Variants in ST6GALNAC3 observed in about 807,000 individuals in gnomAD.
The protein encoded by ST6GALNAC3 is ST6 N-acetylgalactosaminide alpha-2,6-sialyltransferase 3, also known as alpha-N-acetylgalactosaminide alpha-2,6-sialyltransferase 3.
In ST6GALNAC3, 25 loss-of-function variants were observed where a neutral mutation model predicts 32.7. The ratio of observed to expected loss-of-function variants is 0.76; its 90% CI spans 0.56 to 1.07. The LOEUF is 1.07. Ranked by LOEUF, ST6GALNAC3 falls within the 50% of genes least tolerant of loss-of-function variation. ST6GALNAC3 has a pLI of 0.00. For missense variants in ST6GALNAC3, 355 were observed against 382.4 expected (o/e 0.93, Z 0.60); for synonymous variants, 129 against 133.1 (o/e 0.97, Z 0.21).
chr1:76,557,518 C>G (rs1022030373), intron 3 of ST6GALNAC3, among the ~76,000 whole-genome samples: 1 of 152,082 alleles, frequency 6.6e-6, no homozygotes, highest in Non-Finnish European at 1.5e-5. Context: ...TGATTACCTA[C>G]CATGCATCTA....
intron 3 of ST6GALNAC3, among the ~76,000 whole-genome samples, chr1:76,452,155 G>T (rs1453221278): frequency 6.6e-6 from 1 of 152,122 alleles, no homozygotes; most frequent in Non-Finnish European, 1.5e-5. Context: ...ATTGAATCAT[G>T]GGGGCAGGTC....
intron 1 of ST6GALNAC3, among the ~76,000 whole-genome samples, chr1:76,303,302 A>G (rs1206588642): frequency 6.6e-6 from 1 of 151,964 alleles, no homozygotes; most frequent in African/African-American, 2.4e-5. Context: ...GATACTTTCC[A>G]TTTTCAATCT....
At chr1:76,252,661 C>T (rs977426627) in intron 1 of ST6GALNAC3, among the ~76,000 whole-genome samples, 3 of 152,042 alleles carry the variant, frequency 2.0e-5, no homozygotes, top group Admixed American at 2.0e-4. Context: ...TACACACTGA[C>T]ATTTTTTCAG....
At chr1:76,511,959 C>A (rs1456851549) in intron 3 of ST6GALNAC3, among the ~76,000 whole-genome samples, 3 of 152,140 alleles carry the variant, frequency 2.0e-5, no homozygotes, top group Non-Finnish European at 4.4e-5. Flanking sequence ...TTTGTTGTTA[C>A]TTGTCTTTGG....
intron 1 of ST6GALNAC3, among the ~76,000 whole-genome samples, chr1:76,180,282 A>C (rs1653096777): frequency 6.6e-6 from 1 of 152,216 alleles, no homozygotes. Context: ...CAAGTTTTCT[A>C]ATGTTAAAAA....
chr1:76,222,593 A>G (rs1655835792), intron 1 of ST6GALNAC3, among the ~76,000 whole-genome samples: 1 of 152,186 alleles, frequency 6.6e-6, no homozygotes, highest in Non-Finnish European at 1.5e-5. Context: ...GCACACCAGC[A>G]TGGCACATGT....
chr1:76,162,269 A>G (rs1209084728), intron 1 of ST6GALNAC3, among the ~76,000 whole-genome samples: 2 of 152,256 alleles, frequency 1.3e-5, no homozygotes, highest in Non-Finnish European at 2.9e-5. Context: ...AGTCCCTGGC[A>G]TATGGCAGGT....
intron 2 of ST6GALNAC3, among the ~76,000 whole-genome samples, chr1:76,395,558 A>T (rs1300844064): frequency 6.6e-6 from 1 of 152,092 alleles, no homozygotes; most frequent in Non-Finnish European, 1.5e-5. Flanking sequence ...TCAGTGGCTG[A>T]ATGGATAAAG....
chr1:76,178,560 G>A (rs983907588), intron 1 of ST6GALNAC3, among the ~76,000 whole-genome samples: 1 of 152,162 alleles, frequency 6.6e-6, no homozygotes, highest in African/African-American at 2.4e-5. Flanking sequence ...GTGGGCCTAG[G>A]AACCTGTATT....
In ST6GALNAC3 at chr1:76,509,788, A is replaced by T. The variant is rs1448095374; in HGVS notation, c.623+97371A>T. Among the ~76,000 whole-genome samples the T allele has an allele frequency of 6.6e-6, 1 of 152,110 alleles. No homozygotes were observed. The highest frequency in any genetic ancestry group is 1.5e-5 in the Non-Finnish European group (1 of 68,018). On this transcript the variant is annotated intron_variant, in intron 3 of 4. Coordinates refer to ENST00000328299, the MANE Select transcript of ST6GALNAC3 (RefSeq NM_152996.4). The surrounding 1 kb of genome is among the most constrained non-coding windows in gnomAD (Gnocchi z 5.5). ...CACCAATTTCTGCTTCCATTCTCACATATCTTTTCCTCACATTGCTGTTTC... is the reference window on the plus strand; with the variant it reads ...CACCAATTTCTGCTTCCATTCTCACTTATCTTTTCCTCACATTGCTGTTTC...
At chr1:76,370,281 T>A (rs1650715008) in intron 2 of ST6GALNAC3, among the ~76,000 whole-genome samples, 1 of 152,190 alleles carries the variant, frequency 6.6e-6, no homozygotes, top group South Asian at 2.1e-4. Flanking sequence ...AACTGACAAC[T>A]ATGGGTCTGA....
intron 3 of ST6GALNAC3, among the ~76,000 whole-genome samples, chr1:76,433,092 C>T (rs372912094): frequency 8.0e-4 from 121 of 152,172 alleles, no homozygotes; most frequent in African/African-American, 2.8e-3. Flanking sequence ...TTTGTTCTTT[C>T]TCAGAGCTCT....
chr1:76,403,059 A>G (rs1653551289), intron 2 of ST6GALNAC3, among the ~76,000 whole-genome samples: 1 of 152,048 alleles, frequency 6.6e-6, no homozygotes, highest in Admixed American at 6.6e-5. Flanking sequence ...GAAAAAAAAA[A>G]TCTGTATTGA....
intron 3 of ST6GALNAC3, among the ~76,000 whole-genome samples, chr1:76,435,992 A>G (rs1474778156): frequency 6.6e-6 from 1 of 151,956 alleles, no homozygotes; most frequent in Non-Finnish European, 1.5e-5. Context: ...ACTGCACCCA[A>G]TTTGTAGTCT....
At chr1:76,261,112 T>C (rs1357026675) in intron 1 of ST6GALNAC3, among the ~76,000 whole-genome samples, 1 of 152,096 alleles carries the variant, frequency 6.6e-6, no homozygotes, top group Non-Finnish European at 1.5e-5. Context: ...TATTTTTAAG[T>C]ATATAGTGTT....
intron 3 of ST6GALNAC3, among the ~76,000 whole-genome samples, chr1:76,486,640 C>G (rs987954062): frequency 6.6e-6 from 1 of 152,078 alleles, no homozygotes; most frequent in Non-Finnish European, 1.5e-5. Context: ...AGATGGATCT[C>G]CTGAATACAG....
At chr1:76,595,233 C>T (rs1197061006) in intron 3 of ST6GALNAC3, among the ~76,000 whole-genome samples, 4 of 152,072 alleles carry the variant, frequency 2.6e-5, no homozygotes, top group Non-Finnish European at 4.4e-5. Flanking sequence ...GGGTAATTAA[C>T]ATTATTGTTC....
At chr1:76,438,468 A>G (rs935722403) in intron 3 of ST6GALNAC3, among the ~76,000 whole-genome samples, 2 of 152,196 alleles carry the variant, frequency 1.3e-5, no homozygotes, top group African/African-American at 4.8e-5. Flanking sequence ...AGATTACTTA[A>G]TTATATTTAA....
intron 3 of ST6GALNAC3, among the ~76,000 whole-genome samples, chr1:76,580,541 C>T (rs1332808236): frequency 6.6e-6 from 1 of 152,094 alleles, no homozygotes; most frequent in African/African-American, 2.4e-5. Flanking sequence ...TTTATGTTAT[C>T]TTAGGGAACC....
Sources: gnomAD v4.1 joint callset for allele counts (sites outside exome capture counted in the v4.1 genomes callset) on GRCh38, gnomAD v4.1.1 for gene constraint, Gnocchi (gnomAD v3.1) non-coding constraint, MANE v1.5 for transcripts, NCBI Gene and HGNC (gene_info 2026-07-23, HGNC 2026-07-21) for gene names.